DCC: variants seen among roughly 807,000 people sequenced by gnomAD.
DCC encodes the protein DCC netrin 1 receptor.
In DCC, 58 loss-of-function variants were observed where a neutral mutation model predicts 172.5. The ratio of observed to expected loss-of-function variants is 0.34; its 90% CI spans 0.27 to 0.42. The LOEUF is 0.42. Ranked by LOEUF, DCC falls within the 10% of genes least tolerant of loss-of-function variation. DCC has a pLI of 1.00. For synonymous variants in DCC, 709 were observed against 644.5 expected (o/e 1.10, Z -1.52); for missense variants, 1,740 against 1,791.0 (o/e 0.97, Z 0.51).
At chr18:53,165,220 T>C (rs941509735) in intron 8 of DCC, among the ~76,000 whole-genome samples, 1 of 152,166 alleles carries the variant, frequency 6.6e-6, no homozygotes, top group Non-Finnish European at 1.5e-5. Context: ...ACACACTGTT[T>C]TGTGGCAGAA....
rs2033130529 is a variant in DCC, at chr18:52,565,174, GTC to G, written c.92-186876_92-186875del. Among the ~76,000 whole-genome samples, 15 of 152,080 alleles carry G rather than the reference GTC, an allele frequency of 9.9e-5. No homozygotes were observed. In the South Asian group the frequency reaches 2.9e-3, roughly 29 times the overall value. ...ATTTTTTCAAAACAAATAAAACCCT[GTC>G]TCTGTTCTATTTGAGCATGGTTAAA... On this transcript the variant is annotated intron_variant, in intron 1 of 28. Coordinates refer to ENST00000442544, the MANE Select transcript of DCC (RefSeq NM_005215.4).
intron 22 of DCC, among the ~76,000 whole-genome samples, chr18:53,446,403 T>C (rs1305619486): frequency 2.0e-5 from 3 of 152,158 alleles, no homozygotes; most frequent in Admixed American, 1.3e-4. Context: ...CACAGTGCCC[T>C]ATAGGATATT....
At chr18:52,733,008 T>C (rs2036668781) in intron 1 of DCC, among the ~76,000 whole-genome samples, 1 of 152,188 alleles carries the variant, frequency 6.6e-6, no homozygotes, top group South Asian at 2.1e-4. Flanking sequence ...GTCAATCTTC[T>C]GTAAATGTCC....
At chr18:52,697,384 G>A (rs1381956994) in intron 1 of DCC, among the ~76,000 whole-genome samples, 5 of 152,292 alleles carry the variant, frequency 3.3e-5, no homozygotes, top group South Asian at 2.1e-4. Context: ...AGCGATATGG[G>A]ATGGGTTATC....
chr18:52,505,478 T>A (rs2031195902), intron 1 of DCC, among the ~76,000 whole-genome samples: 1 of 152,160 alleles, frequency 6.6e-6, no homozygotes. Flanking sequence ...TAGAACAAAA[T>A]ATGTATTTAA....
At chr18:52,805,680 T>G (rs777863732) in intron 2 of DCC, among the ~76,000 whole-genome samples, 4 of 152,202 alleles carry the variant, frequency 2.6e-5, no homozygotes, top group Non-Finnish European at 4.4e-5. Flanking sequence ...CTACCACAAA[T>G]GAATACTAGA....
chr18:53,102,333 T>C (rs2043185495), intron 7 of DCC, among the ~76,000 whole-genome samples: 1 of 152,150 alleles, frequency 6.6e-6, no homozygotes, highest in Non-Finnish European at 1.5e-5. Context: ...ACAAGCCATT[T>C]TTAGGGATAC....
chr18:52,578,974 C>A (rs1055174396), intron 1 of DCC, among the ~76,000 whole-genome samples: 1 of 151,992 alleles, frequency 6.6e-6, no homozygotes, highest in Non-Finnish European at 1.5e-5. Context: ...AGTGAGACTC[C>A]GTCTGGAAAA....
chr18:52,622,609 A>G (rs752931088), intron 1 of DCC, among the ~76,000 whole-genome samples: 6 of 151,672 alleles, frequency 4.0e-5, no homozygotes, highest in Non-Finnish European at 8.8e-5. Flanking sequence ...CTTCACCCCA[A>G]ATATTTCGGT....
intron 2 of DCC, among the ~76,000 whole-genome samples, chr18:52,799,950 T>C (rs1365626140): frequency 6.6e-6 from 1 of 152,242 alleles, no homozygotes; most frequent in African/African-American, 2.4e-5. Context: ...GACGGGGAAC[T>C]CTGTAAGGGC....
At chr18:53,380,318 A>T (rs17504647) in intron 15 of DCC, among the ~76,000 whole-genome samples, 1 of 151,926 alleles carries the variant, frequency 6.6e-6, no homozygotes, top group Non-Finnish European at 1.5e-5. Context: ...GAAAACCCTC[A>T]TTCTCTCTTG....
intron 2 of DCC, among the ~76,000 whole-genome samples, chr18:52,763,663 A>G (rs1387670115): frequency 6.6e-6 from 1 of 152,250 alleles, no homozygotes; most frequent in Non-Finnish European, 1.5e-5. Flanking sequence ...TTAAAAGTAT[A>G]TAATCCAGTC....
intron 1 of DCC, among the ~76,000 whole-genome samples, chr18:52,513,266 G>A (rs2031504682): frequency 6.6e-6 from 1 of 152,018 alleles, no homozygotes. Flanking sequence ...TTTTATATTT[G>A]GCAATGCACC....
chr18:53,311,412 C>T (rs540121996), intron 13 of DCC, among the ~76,000 whole-genome samples: 31 of 152,144 alleles, frequency 2.0e-4, no homozygotes, highest in Non-Finnish European at 4.0e-4. Flanking sequence ...CGTGAGCCAC[C>T]GCACCCGGCC....
chr18:53,254,420 TCCCAGAGCTATCAGCA>T (rs966010802), intron 12 of DCC, among the ~76,000 whole-genome samples: 24 of 152,002 alleles, frequency 1.6e-4, no homozygotes, highest in Non-Finnish European at 2.8e-4. Context: ...GAAAGGTAGA[TCCCAGAGCTATCAGCA>T]CCCAGAGCTA....
At chr18:53,341,676 C>A (rs1390166013) in intron 15 of DCC, among the ~76,000 whole-genome samples, 1 of 152,144 alleles carries the variant, frequency 6.6e-6, no homozygotes, top group East Asian at 1.9e-4. Context: ...TAAATATCCT[C>A]ATGGTTATGC....
chr18:53,406,523 G>T (rs1017778850), intron 19 of DCC, among the ~76,000 whole-genome samples: 9 of 151,998 alleles, frequency 5.9e-5, no homozygotes, highest in South Asian at 4.1e-4. Flanking sequence ...TGGCCAACAA[G>T]GTGAAACCCC....
At chr18:52,854,112 G>C (rs1442235775) in intron 2 of DCC, among the ~76,000 whole-genome samples, 1 of 152,204 alleles carries the variant, frequency 6.6e-6, no homozygotes. Flanking sequence ...AAGTATAGAT[G>C]AGGCTATTTT....
intron 5 of DCC, among the ~76,000 whole-genome samples, chr18:53,026,898 G>A (rs2090943907): frequency 6.6e-6 from 1 of 152,056 alleles, no homozygotes; most frequent in African/African-American, 2.4e-5. Flanking sequence ...ATTTGAAGAA[G>A]TCTATGAAGA....
Sources: allele counts gnomAD v4.1 joint callset (sites outside exome capture counted in the v4.1 genomes callset), GRCh38; gene constraint gnomAD v4.1.1; transcripts MANE v1.5; gene names NCBI Gene and HGNC (gene_info 2026-07-23, HGNC 2026-07-21).